Variants in EDA observed in about 807,000 individuals in gnomAD.
The protein encoded by EDA is ectodysplasin A, also known as ectodysplasin-A.
In EDA, 2 loss-of-function variants were observed where a neutral mutation model predicts 23.6. The ratio of observed to expected loss-of-function variants is 0.08; its 90% CI spans 0.03 to 0.27. EDA has a LOEUF of 0.27. EDA is among the 10% of genes least tolerant of loss of function. The pLI is 1.00. For synonymous variants in EDA, 131 were observed against 132.0 expected, an observed-to-expected ratio of 0.99 and a Z score of 0.05; for missense variants, 229 against 324.2, an observed-to-expected ratio of 0.71 and a Z score of 2.26.
At chrX:69,907,129 A>G (rs1472695779) in intron 1 of EDA, among the ~76,000 whole-genome samples, 2 of 112,221 alleles carry the variant, frequency 1.8e-5, no homozygotes, top group Non-Finnish European at 3.8e-5. Flanking sequence ...CATCTATTAT[A>G]GGCTTTACAA....
chrX:69,863,725 A>G (rs187933431), intron 1 of EDA, among the ~76,000 whole-genome samples: 1 of 107,725 alleles, frequency 9.3e-6, no homozygotes, highest in African/African-American at 3.4e-5. Flanking sequence ...ATGTATATAC[A>G]TACATATGTG....
At chrX:69,718,061 G>A (rs762406976) in intron 1 of EDA, among the ~76,000 whole-genome samples, 1 of 111,684 alleles carries the variant, frequency 9.0e-6, no homozygotes, top group Admixed American at 9.5e-5. Context: ...AGCCGTCAAC[G>A]TTTCCTATAC....
intron 2 of EDA, among the ~76,000 whole-genome samples, chrX:69,976,490 TA>T (rs1366787405): frequency 8.9e-6 from 1 of 112,194 alleles, no homozygotes; most frequent in African/African-American, 3.2e-5. Flanking sequence ...ATGTTTACAC[TA>T]AAAGCTGAAG....
chrX:69,836,547 T>C (rs1207375830), intron 1 of EDA, among the ~76,000 whole-genome samples: 4 of 112,441 alleles, frequency 3.6e-5, no homozygotes, highest in African/African-American at 1.3e-4. Flanking sequence ...GAGCCAGGCA[T>C]TGGAGAGAAT....
chrX:69,992,383 A>G (rs761658192), intron 2 of EDA, among the ~76,000 whole-genome samples: 2 of 112,638 alleles, frequency 1.8e-5, no homozygotes. Flanking sequence ...AATTGTAATA[A>G]GTGGCATCCT....
intron 1 of EDA, among the ~76,000 whole-genome samples, chrX:69,642,446 T>A (rs373074760): frequency 2.7e-5 from 3 of 109,974 alleles, no homozygotes; most frequent in East Asian, 5.8e-4. Context: ...CCAAAAAGAG[T>A]TGGCAAATAG....
At chrX:69,980,214 T>C (rs1462340503) in intron 2 of EDA, among the ~76,000 whole-genome samples, 1 of 111,638 alleles carries the variant, frequency 9.0e-6, no homozygotes, top group Non-Finnish European at 1.9e-5. Flanking sequence ...AAGGAGTCAA[T>C]ATTTCTTCTC....
chrX:69,989,410 T>G (rs967242042), intron 2 of EDA, among the ~76,000 whole-genome samples: 7 of 111,590 alleles, frequency 6.3e-5, no homozygotes, highest in African/African-American at 2.3e-4. Context: ...ATACCTCACA[T>G]AGGGGTTTCC....
chrX:69,948,320 T>A (rs1309946412), intron 1 of EDA, among the ~76,000 whole-genome samples: 1 of 112,698 alleles, frequency 8.9e-6, no homozygotes, highest in Non-Finnish European at 1.9e-5. Flanking sequence ...GAAGCAGAAT[T>A]CAGTGACTGC....
intron 1 of EDA, among the ~76,000 whole-genome samples, chrX:69,886,723 C>T (rs1007771452): frequency 9.0e-6 from 1 of 111,354 alleles, no homozygotes; most frequent in African/African-American, 3.3e-5. Flanking sequence ...ACAGGATCCA[C>T]AGCTGCTAGA....
chrX:69,886,421 G>A (rs1185080970), intron 1 of EDA, among the ~76,000 whole-genome samples: 1 of 110,544 alleles, frequency 9.0e-6, no homozygotes, highest in Non-Finnish European at 1.9e-5. Context: ...CAGGAGAAAT[G>A]CCAATCTGTG....
rs1331153549 is a variant in EDA at position 69,980,284 on chromosome X, C to G, written c.502+23152C>G. On this transcript the variant is annotated intron_variant, in intron 2 of 7. Transcript: ENST00000374552. ...TACAGTTGGCAGAAATGGAGTGAGA[C>G]TATATCATATAGGTATGTCTGTGCC... 1.8e-5 allele frequency among the ~76,000 whole-genome samples: 2 copies of G among 111,792 alleles called. 1 individual carries two copies. Among genetic ancestry groups the G allele is most frequent in the Non-Finnish European group, 3.8e-5 (2 of 53,164 alleles).
intron 2 of EDA, among the ~76,000 whole-genome samples, chrX:69,995,457 G>A (rs2019643365): frequency 8.9e-6 from 1 of 112,190 alleles, no homozygotes; most frequent in Admixed American, 9.4e-5. Context: ...CTATCCTGAA[G>A]GATAGAGAGA....
chrX:69,761,168 A>G (rs904260604), intron 1 of EDA, among the ~76,000 whole-genome samples: 3 of 110,889 alleles, frequency 2.7e-5, no homozygotes, highest in Non-Finnish European at 5.7e-5. Flanking sequence ...CATTGCTTAG[A>G]TATCAATGGA....
intron 1 of EDA, among the ~76,000 whole-genome samples, chrX:69,689,196 A>G (rs760996634): frequency 2.7e-5 from 3 of 110,807 alleles, no homozygotes; most frequent in Non-Finnish European, 5.7e-5. Context: ...TATGAGTCGT[A>G]TAACTGTTCT....
intron 1 of EDA, among the ~76,000 whole-genome samples, chrX:69,911,726 C>T (rs2018269001): frequency 1.8e-5 from 2 of 111,608 alleles, no homozygotes; most frequent in South Asian, 7.4e-4. Flanking sequence ...AGCAATATGT[C>T]CAAAAAAACA....
At chrX:69,754,480 G>C (rs773148731) in intron 1 of EDA, among the ~76,000 whole-genome samples, 10 of 111,680 alleles carry the variant, frequency 9.0e-5, no homozygotes, top group Non-Finnish European at 1.7e-4. Flanking sequence ...CGACCTTTCT[G>C]TCTGGCTGCC....
chrX:69,739,595 A>T (rs2147371350), intron 1 of EDA, among the ~76,000 whole-genome samples: 1 of 110,429 alleles, frequency 9.1e-6, no homozygotes, highest in East Asian at 2.8e-4. Flanking sequence ...TTAAATGAAT[A>T]TTTTTCTGGT....
intron 1 of EDA, among the ~76,000 whole-genome samples, chrX:69,798,023 A>G (rs774690750): frequency 8.7e-4 from 98 of 112,031 alleles, no homozygotes; most frequent in Admixed American, 2.3e-3. Context: ...AGGAGTAGCT[A>G]TACTTATAGC....
Sources: gnomAD v4.1 joint callset for allele counts (sites outside exome capture counted in the v4.1 genomes callset) on GRCh38, gnomAD v4.1.1 for gene constraint, MANE v1.5 for transcripts, NCBI Gene and HGNC (gene_info 2026-07-23, HGNC 2026-07-21) for gene names.